Variants in GLIS1 observed in about 807,000 individuals in gnomAD.
GLIS1 encodes GLIS family zinc finger 1, also known as zinc finger protein GLIS1.
GLIS1 carries 24 observed loss-of-function variants against 63.8 expected under a neutral mutation model. The observed-to-expected ratio is 0.38, with a 90% CI of 0.27 to 0.53. The LOEUF (loss-of-function observed/expected upper bound fraction) is 0.53. GLIS1 is among the 20% of genes least tolerant of loss of function. The pLI is 0.85. For missense variants in GLIS1, 1,036 were observed against 1,074.1 expected (o/e 0.96, Z 0.50); for synonymous variants, 450 against 482.5 (o/e 0.93, Z 0.88).
chr1:53,682,969 T>C (rs1646292085), intron 2 of GLIS1, among the ~76,000 whole-genome samples: 1 of 152,126 alleles, frequency 6.6e-6, no homozygotes, highest in Non-Finnish European at 1.5e-5. Flanking sequence ...CAGGAAGTCT[T>C]CCCTGTAGAA....
At chr1:53,693,651 C>T (rs1011123398) in intron 2 of GLIS1, among the ~76,000 whole-genome samples, 3 of 152,206 alleles carry the variant, frequency 2.0e-5, no homozygotes, top group African/African-American at 7.2e-5. Context: ...CAAGCAGTCC[C>T]GGCCTCGGGG....
chr1:53,726,461 G>C (rs768177266), intron 2 of GLIS1, among the ~76,000 whole-genome samples: 1 of 152,182 alleles, frequency 6.6e-6, no homozygotes, highest in Non-Finnish European at 1.5e-5. Flanking sequence ...GCATGGGGAC[G>C]TGGGGAACAG....
At chr1:53,540,911 C>G (rs192599125) in intron 4 of GLIS1, among the ~76,000 whole-genome samples, 1 of 152,222 alleles carries the variant, frequency 6.6e-6, no homozygotes, top group African/African-American at 2.4e-5. Flanking sequence ...GTACCACAGG[C>G]AAAGCTCCCT....
intron 4 of GLIS1, among the ~76,000 whole-genome samples, chr1:53,561,869 C>T (rs1486460257): frequency 6.6e-6 from 1 of 152,212 alleles, no homozygotes; most frequent in Non-Finnish European, 1.5e-5. Flanking sequence ...CCCCCCTCAC[C>T]ACGCACCTAG....
At chr1:53,659,704 G>A (rs541327193) in intron 2 of GLIS1, among the ~76,000 whole-genome samples, 14 of 152,172 alleles carry the variant, frequency 9.2e-5, no homozygotes, top group South Asian at 2.1e-4. Flanking sequence ...GGGGCTGAGC[G>A]CCTGGACCCA....
intron 9 of GLIS1, 149 bp from the exon 10 acceptor site, chr1:53,509,436 G>A (rs1644274536): frequency 2.2e-6 from 2 of 898,684 alleles, no homozygotes; most frequent in African/African-American, 1.7e-5. Flanking sequence ...GGGCAGAGGA[G>A]GTGCAGGAGG....
intron 2 of GLIS1, among the ~76,000 whole-genome samples, chr1:53,714,820 T>C (rs1374661511): frequency 6.6e-6 from 1 of 152,270 alleles, no homozygotes. Flanking sequence ...GGGCCCACTG[T>C]GCAGCAAGCA....
intron 8 of GLIS1, among the ~76,000 whole-genome samples, chr1:53,513,564 C>T (rs1644319727): frequency 6.6e-6 from 1 of 152,206 alleles, no homozygotes; most frequent in Non-Finnish European, 1.5e-5. Flanking sequence ...CCTTCCCTGA[C>T]ACCCTCCTGG....
At position 53,679,232 on chromosome 1, in the gene GLIS1, A is replaced by G. The variant is rs113620540; in HGVS notation, c.259+58574T>C. Among the ~76,000 whole-genome samples the G allele has an allele frequency of 7.8e-3, 1,181 of 152,358 alleles. 17 individuals carry two copies. The highest frequency in any genetic ancestry group is 0.027 in the African/African-American group (1,130 of 41,576). On this transcript the variant is annotated intron_variant, in intron 2 of 10. Coordinates refer to ENST00000628545, the MANE Select transcript of GLIS1 (RefSeq NM_001367484.1). Reference sequence around the variant, plus strand: ...AACGGGCAGGAGAGAGGGAGGTGGCAGCCACAAATGCCCCCAGCAGCAGCT... The same window carrying G: ...AACGGGCAGGAGAGAGGGAGGTGGCGGCCACAAATGCCCCCAGCAGCAGCT...
chr1:53,541,435 G>A (rs1644641842), intron 4 of GLIS1, among the ~76,000 whole-genome samples: 1 of 152,248 alleles, frequency 6.6e-6, no homozygotes, highest in South Asian at 2.1e-4. Context: ...AGGTGGGCTG[G>A]CCCTGTGCTG....
intron 3 of GLIS1, among the ~76,000 whole-genome samples, chr1:53,596,994 G>C (rs1467001621): frequency 6.6e-6 from 1 of 151,780 alleles, no homozygotes; most frequent in Non-Finnish European, 1.5e-5. Context: ...CCTTCCAATA[G>C]GGGAGTCTGT....
intron 4 of GLIS1, among the ~76,000 whole-genome samples, chr1:53,559,498 C>T (rs575046): frequency 0.016 from 2,371 of 152,338 alleles, 66 homozygotes; most frequent in African/African-American, 0.052. Context: ...CTGCCCTGAT[C>T]CTGCCAGGCG....
At chr1:53,537,102 T>C (rs938495084) in intron 4 of GLIS1, among the ~76,000 whole-genome samples, 16 of 152,312 alleles carry the variant, frequency 1.1e-4, no homozygotes, top group Admixed American at 7.8e-4. Context: ...GGGCAGGAGA[T>C]GAAAGACAGA....
chr1:53,546,948 TG>T (rs11479550), intron 4 of GLIS1, among the ~76,000 whole-genome samples: 84,016 of 151,982 alleles, frequency 0.55, 24,083 homozygotes, highest in Middle Eastern at 0.64. Flanking sequence ...TTCCCCTGAC[TG>T]GGTATGGAAG....
intron 2 of GLIS1, among the ~76,000 whole-genome samples, chr1:53,689,261 C>G (rs1326175443): frequency 6.6e-6 from 1 of 152,170 alleles, no homozygotes; most frequent in Non-Finnish European, 1.5e-5. Flanking sequence ...AGTGGACATA[C>G]AGAGAAGCCA....
At chr1:53,705,213 T>C (rs1646566359) in intron 2 of GLIS1, among the ~76,000 whole-genome samples, 1 of 152,146 alleles carries the variant, frequency 6.6e-6, no homozygotes, top group Non-Finnish European at 1.5e-5. Flanking sequence ...TATCATACAA[T>C]GACACTGAGC....
intron 2 of GLIS1, among the ~76,000 whole-genome samples, chr1:53,669,908 C>T (rs567459351): frequency 1.3e-5 from 2 of 152,344 alleles, no homozygotes; most frequent in South Asian, 4.1e-4. Context: ...TTAGAGAGGA[C>T]TTCCTGACCA....
At position 53,526,526 on chromosome 1, in the gene GLIS1, TAC is replaced by T. The variant is rs112780974; in HGVS notation, c.1483-1641_1483-1640del. Among the ~76,000 whole-genome samples, 1,878 of 144,098 alleles carry T rather than the reference TAC, an allele frequency of 0.013. 18 individuals are homozygous for T. Among genetic ancestry groups the T allele is most frequent in the African/African-American group, 0.022 (881 of 39,822 alleles). The allele number at this position is 144,098 out of a possible 152,430, so 94.5% of individuals were successfully genotyped here. ...GGTAGGCTCCCTCTCTCACACACCA[TAC>T]ACACACACACACACACACACACACA... On this transcript the variant is annotated intron_variant, in intron 5 of 10. Transcript: ENST00000628545. This position sits in a 1 kb window ranked among gnomAD's most constrained non-coding sequence, Gnocchi z 4.4.
At chr1:53,550,865 T>A (rs567692541) in intron 4 of GLIS1, among the ~76,000 whole-genome samples, 4 of 152,252 alleles carry the variant, frequency 2.6e-5, no homozygotes, top group East Asian at 1.9e-4. Flanking sequence ...TTATTTATTT[T>A]TTTTGAGACA....
Sources: gnomAD v4.1 joint callset for allele counts (sites outside exome capture counted in the v4.1 genomes callset) on GRCh38, gnomAD v4.1.1 for gene constraint, Gnocchi (gnomAD v3.1) non-coding constraint, MANE v1.5 for transcripts, NCBI Gene and HGNC (gene_info 2026-07-23, HGNC 2026-07-21) for gene names.